Variants in PDE4D observed in about 807,000 individuals in gnomAD.
PDE4D encodes the protein 3',5'-cyclic-AMP phosphodiesterase 4D.
PDE4D carries 24 observed loss-of-function variants against 87.4 expected under a neutral mutation model. The ratio of observed to expected loss-of-function variants is 0.27; its 90% CI spans 0.20 to 0.39. PDE4D has a LOEUF of 0.39. Among genes scored for constraint, PDE4D ranks in the 10% least tolerant of loss-of-function variants. The probability of loss-of-function intolerance (pLI) is 1.00; values close to 1 mark genes in which losing one functional copy is unlikely to be tolerated. For missense variants in PDE4D, 714 were observed against 1,041.0 expected, an observed-to-expected ratio of 0.69 and a Z score of 4.32; for synonymous variants, 384 against 383.2, an observed-to-expected ratio of 1.00 and a Z score of -0.02.
chr5:60,105,567 C>T (rs1464364465), intron 2 of PDE4D, among the ~76,000 whole-genome samples: 1 of 152,216 alleles, frequency 6.6e-6, no homozygotes, highest in African/African-American at 2.4e-5. Flanking sequence ...TTGTCAGATT[C>T]ACCAAAGTTG....
chr5:59,707,229 T>C (rs773477683), intron 1 of PDE4D, among the ~76,000 whole-genome samples: 2 of 152,176 alleles, frequency 1.3e-5, no homozygotes, highest in Non-Finnish European at 2.9e-5. Flanking sequence ...TGTTCAGAGA[T>C]AGCAAATGGA....
intron 5 of PDE4D, among the ~76,000 whole-genome samples, chr5:59,179,156 G>A (rs564854499): frequency 1.5e-3 from 235 of 152,198 alleles, no homozygotes; most frequent in African/African-American, 5.5e-3. Flanking sequence ...GCCCAGGCTG[G>A]AGTGCAGTGG....
chr5:59,616,448 A>G (rs1829680630), intron 1 of PDE4D, among the ~76,000 whole-genome samples: 1 of 152,156 alleles, frequency 6.6e-6, no homozygotes, highest in African/African-American at 2.4e-5. Flanking sequence ...GGTCAGATCT[A>G]TGATCCCTCA....
chr5:59,392,329 T>A (rs566704176), intron 1 of PDE4D, among the ~76,000 whole-genome samples: 20 of 124,306 alleles, frequency 1.6e-4, no homozygotes, highest in African/African-American at 6.1e-4. Context: ...CCAGCCTACA[T>A]CTTTCTCCCA....
intron 1 of PDE4D, among the ~76,000 whole-genome samples, chr5:59,433,833 C>T (rs189213264): frequency 1.1e-4 from 16 of 152,186 alleles, no homozygotes; most frequent in African/African-American, 1.4e-4. Flanking sequence ...CTATGCTAGA[C>T]GTTGCAACGT....
intron 2 of PDE4D, among the ~76,000 whole-genome samples, chr5:59,205,027 T>A (rs115231388): frequency 3.1e-4 from 47 of 152,334 alleles, no homozygotes; most frequent in African/African-American, 1.0e-3. Context: ...CATATTCCCA[T>A]TCTAACATAA....
intron 1 of PDE4D, among the ~76,000 whole-genome samples, chr5:59,330,509 C>T (rs1177209853): frequency 6.6e-6 from 1 of 152,144 alleles, no homozygotes; most frequent in African/African-American, 2.4e-5. Flanking sequence ...AATTTGTTCT[C>T]AGGTAAGATT....
chr5:59,796,256 C>G (rs928514434), intron 1 of PDE4D, among the ~76,000 whole-genome samples: 1 of 152,092 alleles, frequency 6.6e-6, no homozygotes, highest in East Asian at 1.9e-4. Flanking sequence ...TGAATCTCAC[C>G]AGAAACACAA....
intron 1 of PDE4D, among the ~76,000 whole-genome samples, chr5:60,351,524 G>C (rs1296646203): frequency 6.6e-6 from 1 of 152,114 alleles, no homozygotes; most frequent in African/African-American, 2.4e-5. Context: ...TGGATCATGA[G>C]TTGATCTTGA....
At chr5:60,342,444 A>G (rs1758395006) in intron 1 of PDE4D, among the ~76,000 whole-genome samples, 1 of 152,180 alleles carries the variant, frequency 6.6e-6, no homozygotes, top group Non-Finnish European at 1.5e-5. Context: ...TTTAAAGTGA[A>G]GCACCTGTCT....
Position 60,033,550 on chromosome 5 carries a change from T to C in PDE4D, c.43-44833A>G, listed in dbSNP as rs1767468541. ...AAAAGAGTGAGTGATACAAAGTAGC[T>C]ACACAATCTCACTATTAAAGTCAGG... On this transcript the variant is annotated intron_variant, in intron 2 of 16. Coordinates refer to the PDE4D transcript ENST00000502484. Among the ~76,000 whole-genome samples, 3 of 152,342 alleles carry C rather than the reference T, an allele frequency of 2.0e-5. No homozygotes were observed. The South Asian group carries it at 6.2e-4, about 32-fold the overall frequency.
chr5:60,334,348 A>G (rs1583451465), intron 1 of PDE4D, among the ~76,000 whole-genome samples: 1 of 152,196 alleles, frequency 6.6e-6, no homozygotes. Context: ...AATAATTATC[A>G]TCTTCCAATT....
chr5:60,401,932 A>G (rs1296637634), intron 1 of PDE4D, among the ~76,000 whole-genome samples: 1 of 152,246 alleles, frequency 6.6e-6, no homozygotes, highest in Non-Finnish European at 1.5e-5. Flanking sequence ...TTAAAGCACT[A>G]TGAAATGAAT....
chr5:59,261,100 A>G (rs768662511), intron 1 of PDE4D, among the ~76,000 whole-genome samples: 2 of 151,878 alleles, frequency 1.3e-5, no homozygotes, highest in Non-Finnish European at 2.9e-5. Flanking sequence ...TCATTGTGAA[A>G]GTCAGATAAT....
intron 1 of PDE4D, among the ~76,000 whole-genome samples, chr5:59,750,308 A>G (rs747650301): frequency 1.3e-5 from 2 of 151,958 alleles, no homozygotes; most frequent in East Asian, 1.9e-4. Flanking sequence ...TTGCTTCAAT[A>G]CATCACAGTC....
chr5:60,360,943 GAACT>G (rs1207280147), intron 1 of PDE4D, among the ~76,000 whole-genome samples: 8 of 152,196 alleles, frequency 5.3e-5, no homozygotes, highest in Non-Finnish European at 1.0e-4. Context: ...TTTAGGAAAT[GAACT>G]ATCAAATCCT....
At position 59,829,349 on chromosome 5, in the gene PDE4D, T is replaced by C. The variant is rs572399201; in HGVS notation, c.455+63819A>G. 4.6e-5 allele frequency among the ~76,000 whole-genome samples: 7 copies of C among 152,152 alleles called. No individual in the cohort carries two copies. The South Asian group carries it at 1.0e-3, about 23-fold the overall frequency. ...TTAAAAAAATAGCTTAGGGAAGAAATCCATTTGTATATATACCCAATTATG... is the reference window on the plus strand; with the variant it reads ...TTAAAAAAATAGCTTAGGGAAGAAACCCATTTGTATATATACCCAATTATG... On this transcript the variant is annotated intron_variant, in intron 1 of 14. Coordinates refer to ENST00000340635, the MANE Select transcript of PDE4D (RefSeq NM_001104631.2).
intron 1 of PDE4D, among the ~76,000 whole-genome samples, chr5:60,469,421 A>G (rs149079): frequency 0.11 from 17,034 of 152,114 alleles, 1,351 homozygotes; most frequent in East Asian, 0.37. Flanking sequence ...TCTCTTAGTG[A>G]CTGCATACAT....
chr5:60,111,239 G>A (rs142959246), intron 2 of PDE4D, among the ~76,000 whole-genome samples: 2 of 152,056 alleles, frequency 1.3e-5, no homozygotes, highest in East Asian at 3.9e-4. Flanking sequence ...ATTACACATT[G>A]TATACGCATA....
Sources: gnomAD v4.1 joint callset for allele counts (sites outside exome capture counted in the v4.1 genomes callset) on GRCh38, gnomAD v4.1.1 for gene constraint, MANE v1.5 for transcripts, NCBI Gene and HGNC (gene_info 2026-07-23, HGNC 2026-07-21) for gene names.